The following GRM7 variants were observed in gnomAD, a reference collection of about 807,000 sequenced individuals.
GRM7 encodes the protein metabotropic glutamate receptor 7.
Under a neutral mutation model 84.5 loss-of-function variants are expected in GRM7, and 35 were observed. The ratio of observed to expected loss-of-function variants is 0.41; its 90% CI spans 0.32 to 0.55. GRM7 has a LOEUF of 0.55. Ranked by LOEUF, GRM7 falls within the 20% of genes least tolerant of loss-of-function variation. The pLI is 0.19. For missense variants in GRM7, 1,003 were observed against 1,194.6 expected (o/e 0.84, Z 2.36); for synonymous variants, 487 against 455.1 (o/e 1.07, Z -0.89).
chr3:7,085,094 T>C (rs73115012), intron 1 of GRM7, among the ~76,000 whole-genome samples: 3,405 of 152,228 alleles, frequency 0.022, 118 homozygotes, highest in African/African-American at 0.078. Flanking sequence ...TAGAAGTCCA[T>C]TGAGTGGCAT....
At chr3:6,925,849 G>C (rs1041643492) in intron 1 of GRM7, among the ~76,000 whole-genome samples, 1 of 152,126 alleles carries the variant, frequency 6.6e-6, no homozygotes, top group Non-Finnish European at 1.5e-5. Flanking sequence ...TCAGATATTT[G>C]TAGCCCATCA....
intron 2 of GRM7, among the ~76,000 whole-genome samples, chr3:7,288,095 C>T (rs909770243): frequency 6.6e-5 from 10 of 152,034 alleles, no homozygotes; most frequent in Admixed American, 2.0e-4. Flanking sequence ...ATTTACCATA[C>T]GTAACAAGAC....
At position 6,928,869 on chromosome 3, in the gene GRM7, A is replaced by G. The variant is rs554496172; in HGVS notation, c.519+66962A>G. Reference sequence around the variant, plus strand: ...GATGATTAGGTTCCCCCATATTTGAACTGGTACATAAAATGCCAGTCATAG... The same window carrying G: ...GATGATTAGGTTCCCCCATATTTGAGCTGGTACATAAAATGCCAGTCATAG... On this transcript the variant is annotated intron_variant, in intron 1 of 9. Transcript: ENST00000357716. The surrounding 1 kb of genome is among the most constrained non-coding windows in gnomAD (Gnocchi z 4.5). 3.3e-5 allele frequency among the ~76,000 whole-genome samples: 5 copies of G among 152,302 alleles called. No homozygotes were observed. The highest frequency in any genetic ancestry group is 1.2e-4 in the African/African-American group (5 of 41,566).
At position 7,276,211 on chromosome 3, in the gene GRM7, G is replaced by A. The variant is rs911347623; in HGVS notation, c.737-22473G>A. 2.1e-3 allele frequency among the ~76,000 whole-genome samples: 249 copies of A among 121,456 alleles called. 2 individuals are homozygous for A. Among genetic ancestry groups the A allele is most frequent in the Non-Finnish European group, 3.5e-3 (193 of 55,824 alleles). 79.7% of individuals were successfully genotyped at this position (121,456 alleles called of 152,430 possible). On this transcript the variant is annotated intron_variant, in intron 2 of 9. Transcript: ENST00000357716. ...TTAAATTATATATATATATATATGTGTGTGTGTGTGTGTGTGTGTGTGTGT... is the reference window on the plus strand; with the variant it reads ...TTAAATTATATATATATATATATGTATGTGTGTGTGTGTGTGTGTGTGTGT...
At chr3:7,044,855 AC>A (rs986475872) in intron 1 of GRM7, among the ~76,000 whole-genome samples, 1 of 152,130 alleles carries the variant, frequency 6.6e-6, no homozygotes, top group African/African-American at 2.4e-5. Flanking sequence ...ATTTCTTCCC[AC>A]TTAGTCCCTG....
intron 7 of GRM7, among the ~76,000 whole-genome samples, chr3:7,464,885 A>G (rs996218522): frequency 2.6e-5 from 4 of 151,502 alleles, no homozygotes; most frequent in African/African-American, 7.3e-5. Flanking sequence ...AATCCCAACT[A>G]CTTGGGAGGC....
At chr3:7,639,403 T>C (rs1264100075) in intron 8 of GRM7, among the ~76,000 whole-genome samples, 1 of 152,156 alleles carries the variant, frequency 6.6e-6, no homozygotes, top group Non-Finnish European at 1.5e-5. Flanking sequence ...TGCCCTTCTA[T>C]CTCTCCCATT....
intron 1 of GRM7, among the ~76,000 whole-genome samples, chr3:6,931,141 T>C (rs1697484898): frequency 6.6e-6 from 1 of 152,210 alleles, no homozygotes; most frequent in South Asian, 2.1e-4. Context: ...CATTCATTAG[T>C]TAAAAATATG....
At chr3:7,257,331 T>C (rs931309526) in intron 2 of GRM7, among the ~76,000 whole-genome samples, 1 of 152,204 alleles carries the variant, frequency 6.6e-6, no homozygotes, top group African/African-American at 2.4e-5. Flanking sequence ...TTGGAGGATA[T>C]CTTGATCATT....
chr3:7,348,562 A>G (rs924427696), intron 4 of GRM7, among the ~76,000 whole-genome samples: 1 of 152,184 alleles, frequency 6.6e-6, no homozygotes, highest in Non-Finnish European at 1.5e-5. Flanking sequence ...CTAATATAGT[A>G]GAAGTGTACA....
At chr3:7,368,283 T>A (rs1039263) in intron 4 of GRM7, among the ~76,000 whole-genome samples, 1 of 151,794 alleles carries the variant, frequency 6.6e-6, no homozygotes, top group African/African-American at 2.4e-5. Flanking sequence ...AAGGCAATTT[T>A]AAAAACTGGA....
chr3:7,173,190 C>T (rs1695040061), intron 2 of GRM7, among the ~76,000 whole-genome samples: 2 of 152,156 alleles, frequency 1.3e-5, no homozygotes, highest in Non-Finnish European at 2.9e-5. Context: ...CACAATGCCC[C>T]TCTAAGGCAT....
At chr3:6,871,442 A>G (rs1430513441) in intron 1 of GRM7, among the ~76,000 whole-genome samples, 3 of 152,000 alleles carry the variant, frequency 2.0e-5, no homozygotes, top group African/African-American at 7.2e-5. Context: ...AGAAAAAAAT[A>G]AGGGGCTTAT....
intron 5 of GRM7, among the ~76,000 whole-genome samples, chr3:7,422,495 G>T (rs1345061509): frequency 6.6e-6 from 1 of 152,138 alleles, no homozygotes; most frequent in Non-Finnish European, 1.5e-5. Context: ...AGCTCTTCAG[G>T]AGCTTATACC....
At chr3:6,867,736 C>G (rs1470521614) in intron 1 of GRM7, among the ~76,000 whole-genome samples, 1 of 152,092 alleles carries the variant, frequency 6.6e-6, no homozygotes, top group Non-Finnish European at 1.5e-5. Context: ...TATAGTCTGA[C>G]TGGTTAATTA....
At chr3:6,899,608 T>A (rs1696314501) in intron 1 of GRM7, among the ~76,000 whole-genome samples, 1 of 152,166 alleles carries the variant, frequency 6.6e-6, no homozygotes, top group Non-Finnish European at 1.5e-5. Context: ...GTCAAGTTAC[T>A]CATAGGCCTT....
chr3:7,081,027 C>T (rs528408121), intron 1 of GRM7, among the ~76,000 whole-genome samples: 136 of 152,028 alleles, frequency 8.9e-4, no homozygotes, highest in African/African-American at 3.0e-3. Flanking sequence ...GTTTAAATAA[C>T]GAAGATATAA....
chr3:7,094,116 C>T (rs1250962170), intron 1 of GRM7, among the ~76,000 whole-genome samples: 1 of 151,786 alleles, frequency 6.6e-6, no homozygotes, highest in Non-Finnish European at 1.5e-5. Flanking sequence ...TAAATATGTC[C>T]TTTGTTCTCA....
At chr3:7,438,488 A>T (rs1236960521) in intron 5 of GRM7, among the ~76,000 whole-genome samples, 1 of 152,004 alleles carries the variant, frequency 6.6e-6, no homozygotes, top group South Asian at 2.1e-4. Flanking sequence ...CAAAGGGATG[A>T]TGTCCAAAAG....
Sources: gnomAD v4.1 joint callset for allele counts (sites outside exome capture counted in the v4.1 genomes callset) on GRCh38, gnomAD v4.1.1 for gene constraint, Gnocchi (gnomAD v3.1) non-coding constraint, MANE v1.5 for transcripts, NCBI Gene and HGNC (gene_info 2026-07-23, HGNC 2026-07-21) for gene names.